Variants in SLC12A2 observed in about 807,000 individuals in gnomAD.
The protein encoded by SLC12A2 is solute carrier family 12 member 2, also known as Na-K-2Cl cotransporter 1.
A neutral mutation model predicts 136.3 loss-of-function variants in SLC12A2; 67 were observed. That is an observed-to-expected ratio of 0.49 (90% CI 0.40 to 0.60). The LOEUF is 0.60. SLC12A2 is among the 20% of genes least tolerant of loss of function. SLC12A2 has a pLI of 0.00. For missense variants in SLC12A2, 1,322 were observed against 1,534.7 expected, an observed-to-expected ratio of 0.86 and a Z score of 2.32; for synonymous variants, 619 against 562.9, an observed-to-expected ratio of 1.10 and a Z score of -1.41.
intron 1 of SLC12A2, chr5:128,109,371 C>T (rs560378971): frequency 6.1e-5 from 19 of 311,028 alleles, no homozygotes; most frequent in East Asian, 5.7e-4. Context: ...CCAGGCAGCA[C>T]GCTTTGGAGT....
intron 1 of SLC12A2, among the ~76,000 whole-genome samples, chr5:128,086,517 T>A (rs112993121): frequency 7.8e-4 from 119 of 152,288 alleles, no homozygotes; most frequent in African/African-American, 2.7e-3. Flanking sequence ...TATTGGCCCT[T>A]CAGAAGACTC....
In SLC12A2 at chr5:128,171,679, C is replaced by G; in HGVS notation, c.2736C>G (p.Asp912Glu). 6.4e-7 allele frequency: 1 copy of G among 1,567,804 alleles called. No individual in the cohort carries two copies. The highest frequency in any genetic ancestry group is 8.6e-7 in the Non-Finnish European group (1 of 1,162,650). ...TTTTTGTTCTTAGTGATGCTTTTGA[C>G]ATACAATATGGAGTAGTGGTTATTC... ...MYINLFHDAF[D>E]IQYGVVVIRL... is the part of the protein sequence containing the mutation. Residue 912 changes from aspartate to glutamate, a missense_variant, in exon 19 of 27, where the codon GAC (aspartate) becomes GAG (glutamate). Asp to Glu is a conservative substitution (Grantham distance 45). This residue lies in a region of SLC12A2 where 226 missense variants were observed against 210.4 expected (regional missense o/e 1.07). Transcript: ENST00000262461.
At chr5:128,174,430 C>A in intron 19 of SLC12A2, 111 bp from the exon 20 acceptor site, 1 of 743,138 alleles carries the variant, frequency 1.3e-6, no homozygotes, top group Non-Finnish European at 2.1e-6. Flanking sequence ...AATAAGAAGC[C>A]ATTTATAATA....
intron 1 of SLC12A2, among the ~76,000 whole-genome samples, chr5:128,106,472 T>C (rs1156879561): frequency 6.6e-6 from 1 of 152,182 alleles, no homozygotes; most frequent in Non-Finnish European, 1.5e-5. Flanking sequence ...TTTCCTGGTA[T>C]TTCAGGAAAT....
chr5:128,132,274 GT>G (rs1023692265), intron 5 of SLC12A2, among the ~76,000 whole-genome samples: 3 of 152,086 alleles, frequency 2.0e-5, no homozygotes, highest in African/African-American at 7.2e-5. Flanking sequence ...AGAGGAGATG[GT>G]GGCTTATATT....
Position 128,187,227 on chromosome 5 carries a change from C to G in SLC12A2, c.*596C>G, listed in dbSNP as rs1469149775. 1.3e-5 allele frequency: 2 copies of G among 152,508 alleles called. No individual in the cohort carries two copies. Among genetic ancestry groups the G allele is most frequent in the Non-Finnish European group, 2.9e-5 (2 of 68,086 alleles). 9.4% of individuals were successfully genotyped at this position (152,508 alleles called of 1,614,324 possible). A position where few individuals can be genotyped will look rare whatever the true frequency, so the allele number is the denominator to read the frequency against. ...AGGGGAAATGGTAACCAAAAAGTAA[C>G]CCCATGGTAAGGTTTATATGAGTAT... is the stretch of plus-strand genomic sequence containing the variant. On this transcript the variant is annotated 3_prime_UTR_variant, in exon 27 of 27. Coordinates refer to ENST00000262461, the MANE Select transcript of SLC12A2 (RefSeq NM_001046.3).
At chr5:128,160,081 C>T (rs1042954290) in intron 16 of SLC12A2, among the ~76,000 whole-genome samples, 1 of 152,102 alleles carries the variant, frequency 6.6e-6, no homozygotes, top group Non-Finnish European at 1.5e-5. Context: ...AGTTCATGTC[C>T]TTTGCAGGGA....
At chr5:128,186,433 A>G (rs887842069) in intron 26 of SLC12A2, 63 bp from the exon 27 acceptor site, 1 of 1,503,060 alleles carries the variant, frequency 6.7e-7, no homozygotes, top group Non-Finnish European at 8.9e-7. Context: ...TTTTTGCTAC[A>G]TTTTATTCTG....
chr5:128,121,297 T>C (rs949297392), intron 4 of SLC12A2, among the ~76,000 whole-genome samples: 1 of 152,110 alleles, frequency 6.6e-6, no homozygotes, highest in African/African-American at 2.4e-5. Flanking sequence ...ATTTTAGTAC[T>C]GATGTGGGGT....
rs748052169 is a variant in SLC12A2 at position 128,141,935 on chromosome 5, C to T, written c.1727C>T (p.Ser576Phe). The T allele has an allele frequency of 1.9e-6, 3 of 1,613,936 alleles. No homozygotes were observed. The highest frequency in any genetic ancestry group is 2.5e-6 in the Non-Finnish European group (3 of 1,179,918). The change falls in exon 10 of 27, where the codon TCT becomes TTT. Residue 576 changes from serine to phenylalanine, a missense_variant. Physicochemically the swap from Ser to Phe is radical, Grantham distance 155. Transcript: ENST00000262461. ...TGCAAATTAAACTTTGATTTTTCAT[C>T]TTGTGAAAGCAGTCCTTGTTCCTAT... ...AACKLNFDFS[S>F]CESSPCSYGL... is the part of the protein sequence containing the mutation.
chr5:128,172,853 A>G lies in SLC12A2; in HGVS notation c.2803+1107A>G, dbSNP rs1763420667. 2.0e-5 allele frequency among the ~76,000 whole-genome samples: 3 copies of G among 152,066 alleles called. No homozygotes were observed. The South Asian group carries it at 6.2e-4, about 31-fold the overall frequency. On this transcript the variant is annotated intron_variant, in intron 19 of 26. Coordinates refer to ENST00000262461, the MANE Select transcript of SLC12A2 (RefSeq NM_001046.3). ...GTAATCCCAGATGTTTGGGAAGCTGAGGCAGGAGAATTGCTTGAACCCAGG... is the reference window on the plus strand; with the variant it reads ...GTAATCCCAGATGTTTGGGAAGCTGGGGCAGGAGAATTGCTTGAACCCAGG...
In SLC12A2 at chr5:128,184,716, C is replaced by T. The variant is rs768607012; in HGVS notation, c.3436-73C>T. 7.5e-6 allele frequency: 12 copies of T among 1,601,494 alleles called. No homozygotes were observed. In the East Asian group the frequency reaches 2.5e-4, roughly 33 times the overall value. ...ATTCATTTCAGTTTCTTTTTGTCTC[C>T]TTATAGTTTTATGAACCATGCTAAA... On this transcript the variant is annotated intron_variant, in intron 25 of 26. Coordinates refer to ENST00000262461, the MANE Select transcript of SLC12A2 (RefSeq NM_001046.3).
chr5:128,123,632 GTTAT>G (rs1220939143), intron 4 of SLC12A2, among the ~76,000 whole-genome samples: 1 of 152,110 alleles, frequency 6.6e-6, no homozygotes, highest in Non-Finnish European at 1.5e-5. Context: ...ATTTTGAAGG[GTTAT>G]TTATTGTATT....
rs1210372825 is a variant in SLC12A2 at position 128,177,168 on chromosome 5, C to T, written c.2977+16C>T. 1.9e-6 allele frequency: 3 copies of T among 1,582,280 alleles called. No homozygotes were observed. Among genetic ancestry groups the T allele is most frequent in the Non-Finnish European group, 2.6e-6 (3 of 1,163,870 alleles). On this transcript the variant is annotated intron_variant, in intron 21 of 26. Transcript: ENST00000262461. The stretch of plus-strand genomic sequence containing the variant: ...TTGAAAAAAGGCAGGCATTTTTCAT[C>T]ATTTTATTTTAAACCCTTTTTCATA...
Position 128,118,692 on chromosome 5 carries a change from A to T in SLC12A2, c.1048+4011A>T, listed in dbSNP as rs114890304. On this transcript the variant is annotated intron_variant, in intron 4 of 26. Coordinates refer to ENST00000262461, the MANE Select transcript of SLC12A2 (RefSeq NM_001046.3). ...TCACCATTAAAGAACTTACCCATGT[A>T]ACCAAAAACCACCTGTTCCCCAAAA... Among the ~76,000 whole-genome samples, 1,385 of 152,284 alleles carry T rather than the reference A, an allele frequency of 9.1e-3. 19 individuals are homozygous for T. Among genetic ancestry groups the T allele is most frequent in the African/African-American group, 0.031 (1,294 of 41,558 alleles).
intron 1 of SLC12A2, among the ~76,000 whole-genome samples, chr5:128,100,078 G>A (rs2126651463): frequency 6.6e-6 from 1 of 152,272 alleles, no homozygotes; most frequent in South Asian, 2.1e-4. Context: ...TAGTAGGTTT[G>A]TTTATTCCAG....
In SLC12A2 at chr5:128,084,225, G is replaced by A. The variant is rs1237748886; in HGVS notation, c.271G>A (p.Gly91Arg). 2.4e-6 allele frequency: 3 copies of A among 1,276,244 alleles called. No individual in the cohort carries two copies. Among genetic ancestry groups the A allele is most frequent in the Admixed American group, 4.2e-5 (1 of 23,654 alleles). 79.1% of individuals were successfully genotyped at this position (1,276,244 alleles called of 1,614,324 possible). The change falls in exon 1 of 27, where the codon GGG becomes AGG. Residue 91 changes from glycine to arginine, a missense_variant. Transcript: ENST00000262461. This position sits in a 1 kb window ranked among gnomAD's most constrained non-coding sequence, Gnocchi z 5.6. ...FQVDLVSENA[G>R]RAAAAAAAAA... ...GGTGGACCTGGTTTCCGAGAACGCC[G>A]GGCGGGCCGCTGCTGCGGCGGCGGC...
intron 10 of SLC12A2, among the ~76,000 whole-genome samples, chr5:128,144,845 A>G (rs966215377): frequency 3.3e-5 from 5 of 152,154 alleles, no homozygotes; most frequent in African/African-American, 1.2e-4. Context: ...ATCATCTTCA[A>G]CACACACCCC....
At chr5:128,132,651 A>G (rs1762063200) in intron 5 of SLC12A2, among the ~76,000 whole-genome samples, 2 of 152,200 alleles carry the variant, frequency 1.3e-5, no homozygotes, top group South Asian at 4.1e-4. Flanking sequence ...TTAGGTTGTA[A>G]CTATTCTACA....
Sources: allele counts gnomAD v4.1 joint callset (sites outside exome capture counted in the v4.1 genomes callset), GRCh38; gene constraint gnomAD v4.1.1; regional missense constraint gnomAD v4.1.1; non-coding constraint Gnocchi (gnomAD v3.1); transcripts MANE v1.5; gene names NCBI Gene and HGNC (gene_info 2026-07-23, HGNC 2026-07-21).